Variants in SGCD observed in about 807,000 individuals in gnomAD.
SGCD encodes the protein delta-sarcoglycan.
Under a neutral mutation model 36.6 loss-of-function variants are expected in SGCD, and 18 were observed. That is an observed-to-expected ratio of 0.49 (90% CI 0.34 to 0.73). The LOEUF (loss-of-function observed/expected upper bound fraction) is 0.73, where lower values mean the gene tolerates loss of function less well. SGCD is among the 30% of genes least tolerant of loss of function. SGCD has a pLI of 0.01. For synonymous variants in SGCD, 133 were observed against 130.6 expected (o/e 1.02, Z -0.12); for missense variants, 387 against 346.7 (o/e 1.12, Z -0.92).
At chr5:156,644,953 T>C (rs1473098909) in intron 6 of SGCD, among the ~76,000 whole-genome samples, 1 of 151,288 alleles carries the variant, frequency 6.6e-6, no homozygotes, top group African/African-American at 2.4e-5. Context: ...ACAAGTTTAC[T>C]CCCTACCTGT....
chr5:155,884,084 T>C (rs1393128518), intron 1 of SGCD, among the ~76,000 whole-genome samples: 4 of 152,188 alleles, frequency 2.6e-5, no homozygotes. Flanking sequence ...TCTTGGCTTC[T>C]GCCTTTTGTA....
chr5:155,846,184 C>G, the SGCD span, among the ~76,000 whole-genome samples: 2 of 152,104 alleles, frequency 1.3e-5, no homozygotes, highest in South Asian at 4.2e-4. Flanking sequence ...GAAACCTTAG[C>G]GTATTCGTCT....
intron 3 of SGCD, among the ~76,000 whole-genome samples, chr5:156,493,440 C>G (rs1241835682): frequency 6.6e-6 from 1 of 152,096 alleles, no homozygotes; most frequent in Non-Finnish European, 1.5e-5. Context: ...CAGCCACTAT[C>G]CCAAATAAGG....
chr5:155,807,219 G>C, the SGCD span, among the ~76,000 whole-genome samples: 1 of 152,192 alleles, frequency 6.6e-6, no homozygotes, highest in Non-Finnish European at 1.5e-5. Context: ...GTTTAGCTCT[G>C]AATTTTATTC....
chr5:155,832,713 T>A, the SGCD span, among the ~76,000 whole-genome samples: 21 of 149,072 alleles, frequency 1.4e-4, no homozygotes, highest in Admixed American at 1.0e-3. Context: ...GCAAAAAAAA[T>A]TGTTGAGTGA....
chr5:156,485,141 C>T (rs190623441), intron 3 of SGCD, among the ~76,000 whole-genome samples: 51 of 152,228 alleles, frequency 3.4e-4, no homozygotes, highest in African/African-American at 1.1e-3. Flanking sequence ...AGGTCTCCCT[C>T]ACCAAACCTT....
At chr5:155,852,058 C>A in the SGCD span, among the ~76,000 whole-genome samples, 1 of 152,162 alleles carries the variant, frequency 6.6e-6, no homozygotes, top group Non-Finnish European at 1.5e-5. Context: ...TGAAGGAACC[C>A]CTGTCGTGGA....
At chr5:155,815,395 A>G in the SGCD span, among the ~76,000 whole-genome samples, 1 of 152,248 alleles carries the variant, frequency 6.6e-6, no homozygotes, top group Admixed American at 6.5e-5. Flanking sequence ...TACATGATGT[A>G]TAGTAAAACT....
intron 3 of SGCD, among the ~76,000 whole-genome samples, chr5:156,389,903 TAC>T (rs34268804): frequency 1.1e-4 from 17 of 150,798 alleles, no homozygotes; most frequent in East Asian, 3.9e-4. Context: ...TATATTATGT[TAC>T]ACACACACAC....
At chr5:156,097,799 T>A in intron 1 of SGCD, among the ~76,000 whole-genome samples, 1 of 152,204 alleles carries the variant, frequency 6.6e-6, no homozygotes, top group East Asian at 1.9e-4. Flanking sequence ...ATTCTGGACA[T>A]TTTATCTGTT....
At chr5:156,633,838 C>G (rs955264945) in intron 6 of SGCD, among the ~76,000 whole-genome samples, 5 of 152,142 alleles carry the variant, frequency 3.3e-5, no homozygotes, top group Non-Finnish European at 7.4e-5. Flanking sequence ...TTAAGATCAT[C>G]TCTGATAATT....
At chr5:156,025,579 T>G (rs1173147215) in intron 1 of SGCD, among the ~76,000 whole-genome samples, 1 of 152,232 alleles carries the variant, frequency 6.6e-6, no homozygotes, top group Non-Finnish European at 1.5e-5. Context: ...ATGGAGCATC[T>G]TAGAGCACTA....
At chr5:156,386,850 T>A (rs1052358463) in intron 3 of SGCD, among the ~76,000 whole-genome samples, 24 of 152,348 alleles carry the variant, frequency 1.6e-4, no homozygotes, top group African/African-American at 5.8e-4. Context: ...GTCCAGAAAG[T>A]TTTTAACATT....
intron 1 of SGCD, among the ~76,000 whole-genome samples, chr5:155,977,436 C>CT (rs992679271): frequency 6.6e-6 from 1 of 152,046 alleles, no homozygotes; most frequent in African/African-American, 2.4e-5. Flanking sequence ...GGCCCTAGGT[C>CT]TTTTTTTAGT....
intron 1 of SGCD, among the ~76,000 whole-genome samples, chr5:156,094,469 T>G (rs1761328229): frequency 1.3e-5 from 2 of 152,228 alleles, no homozygotes; most frequent in African/African-American, 2.4e-5. Flanking sequence ...CATGAAAGCC[T>G]GGCATTATGG....
intron 6 of SGCD, among the ~76,000 whole-genome samples, chr5:156,615,320 A>G (rs1761978963): frequency 6.6e-6 from 1 of 152,258 alleles, no homozygotes; most frequent in African/African-American, 2.4e-5. Flanking sequence ...AATTAGTTGT[A>G]TTTATACTGT....
chr5:155,987,783 T>G (rs1255728792), intron 1 of SGCD, among the ~76,000 whole-genome samples: 1 of 152,142 alleles, frequency 6.6e-6, no homozygotes, highest in Non-Finnish European at 1.5e-5. Context: ...TCTTTCCATT[T>G]CTAGCTCAAA....
intron 3 of SGCD, chr5:156,393,846 C>G (rs1045882483): frequency 2.2e-6 from 1 of 456,212 alleles, no homozygotes; most frequent in Non-Finnish European, 4.4e-6. Flanking sequence ...ACTCAGATTC[C>G]AGTACCCACT....
At chr5:156,438,972 G>A (rs1753370202) in intron 3 of SGCD, among the ~76,000 whole-genome samples, 1 of 152,110 alleles carries the variant, frequency 6.6e-6, no homozygotes, top group Non-Finnish European at 1.5e-5. Context: ...TAGGGGCATT[G>A]AAGGCAAGAA....
Sources: gnomAD v4.1 joint callset for allele counts (sites outside exome capture counted in the v4.1 genomes callset) on GRCh38, gnomAD v4.1.1 for gene constraint, MANE v1.5 for transcripts, NCBI Gene and HGNC (gene_info 2026-07-23, HGNC 2026-07-21) for gene names.